Variants in ASPHD2 observed in about 807,000 individuals in gnomAD.
ASPHD2 encodes aspartate beta-hydroxylase domain-containing protein 2.
ASPHD2 carries 12 observed loss-of-function variants against 34.6 expected under a neutral mutation model. That is an observed-to-expected ratio of 0.35 (90% CI 0.22 to 0.56). The LOEUF (loss-of-function observed/expected upper bound fraction) is 0.56, where lower values mean the gene tolerates loss of function less well. ASPHD2 is among the 20% of genes least tolerant of loss of function. The pLI, the probability that ASPHD2 is intolerant of heterozygous loss-of-function variation, is 0.87. For synonymous variants in ASPHD2, 224 were observed against 212.2 expected (o/e 1.06, Z -0.48); for missense variants, 375 against 505.0 (o/e 0.74, Z 2.47).
At position 26,433,663 on chromosome 22, in the gene ASPHD2, G is replaced by A. The variant is rs1242935354; in HGVS notation, c.48G>A (p.Leu16=). ...LGPPRTDCLT[L]LHTPSKDSPK... The stretch of plus-strand genomic sequence containing the variant: ...CCCCGAGGACTGATTGTCTGACCTT[G>A]CTTCACACGCCCAGTAAGGACTCCC... Residue 16 remains leucine (L), a synonymous_variant, in exon 2 of 4, where the codon TTG becomes TTA. Coordinates refer to ENST00000215906, the MANE Select transcript of ASPHD2 (RefSeq NM_020437.5). The surrounding 1 kb of genome is among the most constrained non-coding windows in gnomAD (Gnocchi z 5.1). 2 of 1,614,110 alleles carry A rather than the reference G, an allele frequency of 1.2e-6. No homozygotes were observed. Among genetic ancestry groups the A allele is most frequent in the Admixed American group, 1.7e-5 (1 of 60,028 alleles).
intron 2 of ASPHD2, among the ~76,000 whole-genome samples, chr22:26,435,490 G>C (rs980362937): frequency 6.6e-6 from 1 of 152,152 alleles, no homozygotes; most frequent in Non-Finnish European, 1.5e-5. Flanking sequence ...CGCTGCTTCA[G>C]CTTCAGTAGG....
Position 26,434,194 on chromosome 22 carries a change from G to C in ASPHD2, c.579G>C (p.Arg193=), listed in dbSNP as rs1304014401. The change falls in exon 2 of 4, where the codon CGG becomes CGC. Residue 193 remains arginine (R), a synonymous_variant. Transcript: ENST00000215906. Reference sequence around the variant, plus strand: ...AACATGATGTGGAAGTGCTGGAACGGAACTTCCAGACCATCCTGTGTGAGT... The same window carrying C: ...AACATGATGTGGAAGTGCTGGAACGCAACTTCCAGACCATCCTGTGTGAGT... ...AQKHDVEVLE[R]NFQTILCEFE... 2 of 1,613,652 alleles carry C rather than the reference G, an allele frequency of 1.2e-6. No homozygotes were observed. Among genetic ancestry groups the C allele is most frequent in the Admixed American group, 3.3e-5 (2 of 59,836 alleles).
At chr22:26,435,901 T>C (rs1374927112) in intron 2 of ASPHD2, among the ~76,000 whole-genome samples, 1 of 152,184 alleles carries the variant, frequency 6.6e-6, no homozygotes, top group African/African-American at 2.4e-5. Context: ...ACTGAGTCTC[T>C]CTCTGCCTCA....
Position 26,433,665 on chromosome 22 carries a change from T to C in ASPHD2, c.50T>C (p.Leu17Pro). The C allele has an allele frequency of 6.2e-7, 1 of 1,614,106 alleles. No homozygotes were observed. The highest frequency in any genetic ancestry group is 1.1e-5 in the South Asian group (1 of 91,082). ...CCGAGGACTGATTGTCTGACCTTGC[T>C]TCACACGCCCAGTAAGGACTCCCCC... is the stretch of plus-strand genomic sequence containing the variant. ...GPPRTDCLTL[L>P]HTPSKDSPKM... Residue 17 changes from leucine to proline, a missense_variant, in exon 2 of 4, where the codon CTT becomes CCT. Physicochemically the swap from Leu to Pro is moderately conservative, Grantham distance 98. Coordinates refer to ENST00000215906, the MANE Select transcript of ASPHD2 (RefSeq NM_020437.5). This position sits in a 1 kb window ranked among gnomAD's most constrained non-coding sequence, Gnocchi z 5.1.
intron 2 of ASPHD2, among the ~76,000 whole-genome samples, chr22:26,434,749 T>G (rs1394538870): frequency 6.6e-6 from 1 of 152,222 alleles, no homozygotes; most frequent in African/African-American, 2.4e-5. Flanking sequence ...GTGACAGAAA[T>G]GTTCTCCATC....
At chr22:26,440,323 G>C (rs897019652) in intron 2 of ASPHD2, among the ~76,000 whole-genome samples, 8 of 151,990 alleles carry the variant, frequency 5.3e-5, no homozygotes, top group African/African-American at 1.9e-4. Flanking sequence ...TTATTTTTGA[G>C]ACAGAGTCTC....
intron 2 of ASPHD2, among the ~76,000 whole-genome samples, chr22:26,441,478 TAAAAAA>T (rs34554219): frequency 1.0e-5 from 1 of 95,622 alleles, no homozygotes; most frequent in Non-Finnish European, 1.9e-5. Context: ...ACCTTGTATC[TAAAAAA>T]AAAAAAAAAA....
Position 26,443,129 on chromosome 22 carries a change from A to G in ASPHD2, c.1033A>G (p.Met345Val). ...AGAGGATGGCCCACGGGTGGTTTTC[A>G]TGGTGGATTTGTGGCATCCAAACGT... is the stretch of plus-strand genomic sequence containing the variant. ...SAEDGPRVVF[M>V]VDLWHPNVAA... Residue 345 changes from methionine to valine, a missense_variant, in exon 4 of 4, where the codon ATG becomes GTG. Around this residue, in one of 3 missense-constraint regions of ASPHD2, gnomAD observed 142 missense variants for 217.9 expected, o/e 0.65. Coordinates refer to ENST00000215906, the MANE Select transcript of ASPHD2 (RefSeq NM_020437.5). 2 of 1,614,078 alleles carry G rather than the reference A, an allele frequency of 1.2e-6. No individual in the cohort carries two copies. Among genetic ancestry groups the G allele is most frequent in the East Asian group, 2.2e-5 (1 of 44,866 alleles).
chr22:26,439,489 T>C (rs973466327), intron 2 of ASPHD2, among the ~76,000 whole-genome samples: 7 of 152,194 alleles, frequency 4.6e-5, no homozygotes, highest in Non-Finnish European at 8.8e-5. Flanking sequence ...ATTTATATCA[T>C]CATGTCCAGT....
chr22:26,442,243 C>G (rs1320870219), intron 2 of ASPHD2, among the ~76,000 whole-genome samples: 3 of 152,176 alleles, frequency 2.0e-5, no homozygotes, highest in Non-Finnish European at 4.4e-5. Context: ...AAGGCCCCAC[C>G]TCCTAACACC....
chr22:26,433,967 CACA>C lies in ASPHD2; in HGVS notation c.355_357del (p.Asn119del), dbSNP rs551239870. On this transcript the variant is annotated inframe_deletion, in exon 2 of 4. Coordinates refer to ENST00000215906, the MANE Select transcript of ASPHD2 (RefSeq NM_020437.5). The surrounding 1 kb of genome is among the most constrained non-coding windows in gnomAD (Gnocchi z 5.1). ...GTCCCCTGAGTGCGTGCGCTGCACC[CACA>C]ACGAGGGCCTCAACCAGAAGCTGTA... The C allele has an allele frequency of 1.7e-4, 278 of 1,613,444 alleles. 3 individuals are homozygous for C. In the South Asian group the frequency reaches 2.9e-3, roughly 17 times the overall value.
intron 2 of ASPHD2, among the ~76,000 whole-genome samples, chr22:26,436,679 T>G (rs984207216): frequency 1.3e-5 from 2 of 152,182 alleles, no homozygotes; most frequent in East Asian, 3.8e-4. Context: ...TTTGCCTTTA[T>G]GTATTGTTTT....
At chr22:26,430,125 C>G (rs940125647) in intron 1 of ASPHD2, among the ~76,000 whole-genome samples, 4 of 152,244 alleles carry the variant, frequency 2.6e-5, no homozygotes, top group Non-Finnish European at 5.9e-5. Flanking sequence ...GGGCTGGCCC[C>G]ACGGCATCTC....
At chr22:26,442,412 C>T (rs755665536) in intron 2 of ASPHD2, 47 bp from the exon 3 acceptor site, 2 of 1,441,232 alleles carry the variant, frequency 1.4e-6, no homozygotes, top group East Asian at 4.6e-5. Context: ...CTGGCCTTCC[C>T]TGAATCTTGC....
chr22:26,429,270 T>C lies in ASPHD2; in HGVS notation c.-441T>C, dbSNP rs2084740831. The C allele has an allele frequency of 6.8e-6, 1 of 146,122 alleles. No homozygotes were observed. The highest frequency in any genetic ancestry group is 2.5e-5 in the African/African-American group (1 of 40,404). The allele number at this position is 146,122 out of a possible 1,614,324, so 9.1% of individuals were successfully genotyped here. A position where few individuals can be genotyped will look rare whatever the true frequency, so the allele number is the denominator to read the frequency against. On this transcript the variant is annotated 5_prime_UTR_variant, in exon 1 of 4. Coordinates refer to ENST00000215906, the MANE Select transcript of ASPHD2 (RefSeq NM_020437.5). The surrounding 1 kb of genome is among the most constrained non-coding windows in gnomAD (Gnocchi z 4.5). ...GCGCGGCATTGTGGGAGTTGTGGTC[T>C]TCGCGGCCCCGCGGAGCGCAGCGCG...
At chr22:26,432,431 A>G (rs1040844750) in intron 1 of ASPHD2, among the ~76,000 whole-genome samples, 2 of 152,264 alleles carry the variant, frequency 1.3e-5, no homozygotes, top group Non-Finnish European at 2.9e-5. Flanking sequence ...TTGTAGAAGC[A>G]GAGACCTGGC....
At chr22:26,432,354 T>C in intron 1 of ASPHD2, among the ~76,000 whole-genome samples, 1 of 152,222 alleles carries the variant, frequency 6.6e-6, no homozygotes, top group Non-Finnish European at 1.5e-5. Flanking sequence ...AACTTTTCCA[T>C]TTTTTAAGCT....
In ASPHD2 at chr22:26,436,842, ATGTGTG is replaced by A. The variant is rs4049320; in HGVS notation, c.886+2361_886+2366del. Among the ~76,000 whole-genome samples, 222 of 148,874 alleles carry A rather than the reference ATGTGTG, an allele frequency of 1.5e-3. 1 individual carries two copies. The highest frequency in any genetic ancestry group is 5.0e-3 in the African/African-American group (197 of 39,732). On this transcript the variant is annotated intron_variant, in intron 2 of 3. Coordinates refer to ENST00000215906, the MANE Select transcript of ASPHD2 (RefSeq NM_020437.5). ...TTGTTCATCTGTATGATATGCATGC[ATGTGTG>A]TGTGTGTGTGTGTGTGTGTAAAACA...
At chr22:26,441,640 A>G (rs1238749287) in intron 2 of ASPHD2, among the ~76,000 whole-genome samples, 1 of 150,158 alleles carries the variant, frequency 6.7e-6, no homozygotes, top group Non-Finnish European at 1.5e-5. Flanking sequence ...AAATACAAAA[A>G]TTCGGCCAGG....
Sources: allele counts gnomAD v4.1 joint callset (sites outside exome capture counted in the v4.1 genomes callset), GRCh38; gene constraint gnomAD v4.1.1; regional missense constraint gnomAD v4.1.1; non-coding constraint Gnocchi (gnomAD v3.1); transcripts MANE v1.5; gene names NCBI Gene and HGNC (gene_info 2026-07-23, HGNC 2026-07-21).